Variants in MID1 observed in about 807,000 individuals in gnomAD.
The protein encoded by MID1 is E3 ubiquitin-protein ligase Midline-1.
A neutral mutation model predicts 40.4 loss-of-function variants in MID1; 7 were observed. The observed-to-expected ratio is 0.17, with a 90% CI of 0.10 to 0.33. The LOEUF (loss-of-function observed/expected upper bound fraction) is 0.33, where lower values mean the gene tolerates loss of function less well. Among genes scored for constraint, MID1 ranks in the 10% least tolerant of loss-of-function variants. The pLI is 1.00. For missense variants in MID1, 367 were observed against 558.5 expected, an observed-to-expected ratio of 0.66 and a Z score of 3.46; for synonymous variants, 229 against 221.2, an observed-to-expected ratio of 1.04 and a Z score of -0.31.
At chrX:10,777,264 T>C (rs929048600) in intron 1 of MID1, among the ~76,000 whole-genome samples, 3 of 24,883 alleles carry the variant, frequency 1.2e-4, no homozygotes, top group African/African-American at 5.3e-4. Flanking sequence ...AGTGGCACTA[T>C]TGTGGCTCAC....
At chrX:10,725,421 G>GA (rs749342738) in intron 1 of MID1, among the ~76,000 whole-genome samples, 194 of 111,550 alleles carry the variant, frequency 1.7e-3, no homozygotes, top group Middle Eastern at 0.014. Context: ...TTTCCCGAGG[G>GA]AAAAAACTGC....
intron 1 of MID1, among the ~76,000 whole-genome samples, chrX:10,659,656 G>C (rs888827499): frequency 9.0e-6 from 1 of 110,793 alleles, no homozygotes; most frequent in African/African-American, 3.3e-5. Context: ...ATTCAAACTT[G>C]TAGAAAGCGC....
intron 1 of MID1, among the ~76,000 whole-genome samples, chrX:10,667,596 T>C (rs2042958616): frequency 8.9e-6 from 1 of 111,908 alleles, no homozygotes; most frequent in South Asian, 3.7e-4. Flanking sequence ...TTTTATGAAA[T>C]TTTACACCTT....
intron 1 of MID1, among the ~76,000 whole-genome samples, chrX:10,813,214 T>C (rs1358017871): frequency 9.1e-6 from 1 of 110,160 alleles, no homozygotes; most frequent in Non-Finnish European, 1.9e-5. Flanking sequence ...GAGTGATGTT[T>C]ATGAAAGAAT....
intron 1 of MID1, among the ~76,000 whole-genome samples, chrX:10,630,752 T>C (rs930553750): frequency 1.8e-5 from 2 of 110,998 alleles, no homozygotes; most frequent in African/African-American, 3.3e-5. Context: ...TAAGAGATGA[T>C]GGTGGATTGG....
intron 1 of MID1, among the ~76,000 whole-genome samples, chrX:10,811,255 T>C (rs1280031328): frequency 8.9e-6 from 1 of 112,204 alleles, no homozygotes; most frequent in African/African-American, 3.2e-5. Context: ...CATGAAAAAA[T>C]TACTGAGTGC....
intron 1 of MID1, among the ~76,000 whole-genome samples, chrX:10,801,141 C>G (rs1287673543): frequency 3.6e-5 from 4 of 110,609 alleles, no homozygotes; most frequent in African/African-American, 9.8e-5. Context: ...ATTAGTAGTA[C>G]AAGAAATTAT....
intron 1 of MID1, among the ~76,000 whole-genome samples, chrX:10,588,610 T>A (rs1030333594): frequency 1.8e-4 from 20 of 111,189 alleles, no homozygotes; most frequent in Non-Finnish European, 3.8e-4. Flanking sequence ...TCTTTCTCTC[T>A]TTGACTTTCT....
chrX:10,598,754 G>A (rs1386525469), intron 1 of MID1, among the ~76,000 whole-genome samples: 5 of 111,417 alleles, frequency 4.5e-5, no homozygotes, highest in African/African-American at 1.6e-4. Flanking sequence ...CAACCAGAGC[G>A]AGCTTGGCAG....
intron 1 of MID1, among the ~76,000 whole-genome samples, chrX:10,740,182 A>G (rs2043513915): frequency 8.8e-6 from 1 of 113,029 alleles, no homozygotes; most frequent in Non-Finnish European, 1.9e-5. Flanking sequence ...ATCTGGGGAA[A>G]GATAAATGAA....
intron 1 of MID1, among the ~76,000 whole-genome samples, chrX:10,602,160 G>T (rs1412670167): frequency 1.9e-5 from 2 of 107,232 alleles, no homozygotes; most frequent in Non-Finnish European, 3.8e-5. Context: ...GCCTCCCAAA[G>T]TGCGGAATTG....
intron 4 of MID1, among the ~76,000 whole-genome samples, chrX:10,493,976 T>C (rs1931092170): frequency 8.9e-6 from 1 of 112,182 alleles, no homozygotes; most frequent in Admixed American, 9.5e-5. Flanking sequence ...ACTTCCAGAA[T>C]TAAGAGATGT....
intron 2 of MID1, among the ~76,000 whole-genome samples, chrX:10,558,065 TAA>T (rs368289385): frequency 6.4e-4 from 57 of 89,746 alleles, no homozygotes; most frequent in African/African-American, 1.6e-3. Flanking sequence ...CTCTCTCTCT[TAA>T]AAAAAAAAAA....
intron 6 of MID1, among the ~76,000 whole-genome samples, chrX:10,472,219 G>C (rs1253279003): frequency 8.9e-6 from 1 of 112,359 alleles, no homozygotes; most frequent in Non-Finnish European, 1.9e-5. Context: ...GGCAGTATCA[G>C]CCAAGCATCA....
intron 5 of MID1, among the ~76,000 whole-genome samples, chrX:10,477,109 G>A (rs959136259): frequency 8.9e-6 from 1 of 112,050 alleles, no homozygotes; most frequent in Non-Finnish European, 1.9e-5. Context: ...AAAGTGAAAC[G>A]CCAATTAATT....
chrX:10,614,201 T>C (rs1935802024), intron 1 of MID1, among the ~76,000 whole-genome samples: 1 of 111,615 alleles, frequency 9.0e-6, no homozygotes, highest in Non-Finnish European at 1.9e-5. Flanking sequence ...TTTCCATTTA[T>C]TCTAATCCAA....
At chrX:10,780,236 G>A (rs1400824000) in intron 1 of MID1, among the ~76,000 whole-genome samples, 4 of 111,602 alleles carry the variant, frequency 3.6e-5, no homozygotes, top group Non-Finnish European at 7.5e-5. Context: ...AAAGTGCCAG[G>A]ATTATAGGCA....
At chrX:10,777,372 G>T (rs1390439703) in intron 1 of MID1, among the ~76,000 whole-genome samples, 1 of 23,932 alleles carries the variant, frequency 4.2e-5, no homozygotes, top group Non-Finnish European at 7.0e-5. Context: ...TAATTTTTTT[G>T]TATTTTTAGT....
At chrX:10,592,991 C>T (rs1317068711) in intron 1 of MID1, among the ~76,000 whole-genome samples, 2 of 111,785 alleles carry the variant, frequency 1.8e-5, no homozygotes, top group Non-Finnish European at 3.8e-5. Flanking sequence ...ATAGAGATGA[C>T]GTAGGAGATT....
Sources: allele counts gnomAD v4.1 joint callset (sites outside exome capture counted in the v4.1 genomes callset), GRCh38; gene constraint gnomAD v4.1.1; transcripts MANE v1.5; gene names NCBI Gene and HGNC (gene_info 2026-07-23, HGNC 2026-07-21).